ITFG1: variants seen among roughly 807,000 people sequenced by gnomAD.
The protein encoded by ITFG1 is T-cell immunomodulatory protein.
Under a neutral mutation model 81.8 loss-of-function variants are expected in ITFG1, and 34 were observed. The ratio of observed to expected loss-of-function variants is 0.42; its 90% confidence interval spans 0.32 to 0.55. ITFG1 has a LOEUF of 0.55. ITFG1 is among the 20% of genes least tolerant of loss of function. ITFG1 has a pLI of 0.17. For synonymous variants in ITFG1, 285 were observed against 270.6 expected, an observed-to-expected ratio of 1.05 and a Z score of -0.52; for missense variants, 672 against 755.4, an observed-to-expected ratio of 0.89 and a Z score of 1.29.
At chr16:47,183,740 C>T (rs1965166803) in intron 14 of ITFG1, among the ~76,000 whole-genome samples, 1 of 152,216 alleles carries the variant, frequency 6.6e-6, no homozygotes, top group South Asian at 2.1e-4. Context: ...CTCTCCTCCT[C>T]CAAAGGAACG....
chr16:47,454,447 T>C (rs1353229318), intron 2 of ITFG1, among the ~76,000 whole-genome samples: 1 of 152,210 alleles, frequency 6.6e-6, no homozygotes, highest in Non-Finnish European at 1.5e-5. Context: ...CCCTTCTATA[T>C]AGTTCCTTTG....
intron 10 of ITFG1, among the ~76,000 whole-genome samples, chr16:47,282,289 T>A (rs1035511987): frequency 2.0e-5 from 3 of 152,012 alleles, no homozygotes; most frequent in Admixed American, 1.3e-4. Flanking sequence ...TATTACTCCA[T>A]CCTCTATGTC....
chr16:47,401,782 C>T (rs560609651), intron 6 of ITFG1, among the ~76,000 whole-genome samples: 61 of 152,186 alleles, frequency 4.0e-4, no homozygotes, highest in Non-Finnish European at 2.2e-4. Context: ...CCTCTGGAGT[C>T]ATGACTTAAA....
chr16:47,446,609 G>A (rs1969327665), intron 5 of ITFG1, among the ~76,000 whole-genome samples: 1 of 152,078 alleles, frequency 6.6e-6, no homozygotes, highest in Non-Finnish European at 1.5e-5. Flanking sequence ...CTCCAGTCAG[G>A]ACTACTGTGA....
intron 5 of ITFG1, among the ~76,000 whole-genome samples, chr16:47,436,794 A>T (rs1287557799): frequency 2.0e-5 from 3 of 152,222 alleles, no homozygotes; most frequent in Non-Finnish European, 4.4e-5. Context: ...CAAAGTAAGC[A>T]GCTGGAAAGC....
intron 14 of ITFG1, among the ~76,000 whole-genome samples, chr16:47,163,776 T>G (rs916021579): frequency 2.0e-5 from 3 of 152,184 alleles, no homozygotes; most frequent in Non-Finnish European, 4.4e-5. Flanking sequence ...CAATAACACT[T>G]TTTGTTGTGT....
chr16:47,410,993 C>G (rs958786961), intron 6 of ITFG1, among the ~76,000 whole-genome samples: 1 of 152,202 alleles, frequency 6.6e-6, no homozygotes, highest in Admixed American at 6.5e-5. Flanking sequence ...GCAGCTCCCA[C>G]CAGAGCATGC....
At chr16:47,425,015 C>T (rs957423273) in intron 6 of ITFG1, among the ~76,000 whole-genome samples, 2 of 152,170 alleles carry the variant, frequency 1.3e-5, no homozygotes, top group Admixed American at 6.5e-5. Flanking sequence ...TGTCCGCCGC[C>T]TTTTGTTCTG....
chr16:47,445,111 T>TAAAAAAAAAAAAAAAAA (rs61015312), intron 5 of ITFG1, among the ~76,000 whole-genome samples: 1 of 131,918 alleles, frequency 7.6e-6, no homozygotes, highest in African/African-American at 2.7e-5. Context: ...AAATGTACAT[T>TAAAAAAAAAAAAAAAAA]AAAAAAAAAA....
chr16:47,188,284 A>T (rs533527248), intron 14 of ITFG1, among the ~76,000 whole-genome samples: 91 of 152,186 alleles, frequency 6.0e-4, no homozygotes, highest in Non-Finnish European at 9.1e-4. Flanking sequence ...AAGGACTATA[A>T]ATCATGCTAC....
intron 10 of ITFG1, among the ~76,000 whole-genome samples, chr16:47,288,316 T>A (rs560984123): frequency 6.6e-6 from 1 of 152,344 alleles, no homozygotes; most frequent in South Asian, 2.1e-4. Flanking sequence ...TGTGTTTATA[T>A]ACCACATTGC....
At chr16:47,158,718 T>C (rs1010957276) in intron 17 of ITFG1, among the ~76,000 whole-genome samples, 155 bp downstream of exon 17, 1 of 152,150 alleles carries the variant, frequency 6.6e-6, no homozygotes, top group African/African-American at 2.4e-5. Flanking sequence ...AAAGAAATTA[T>C]CATCAATAAA....
intron 14 of ITFG1, among the ~76,000 whole-genome samples, chr16:47,171,173 C>T (rs775139971): frequency 1.3e-5 from 2 of 151,774 alleles, no homozygotes; most frequent in Non-Finnish European, 2.9e-5. Context: ...TGCCACCACA[C>T]ATGGCTAATT....
chr16:47,169,492 C>G (rs1482848658), intron 14 of ITFG1, among the ~76,000 whole-genome samples: 2 of 149,474 alleles, frequency 1.3e-5, no homozygotes, highest in African/African-American at 2.5e-5. Context: ...TTAAAAATTT[C>G]TTTGCTGGTA....
rs546179205 is a variant in ITFG1, at chr16:47,337,299, C to T, written c.803-23476G>A. 1.6e-4 allele frequency among the ~76,000 whole-genome samples: 24 copies of T among 151,798 alleles called. No homozygotes were observed. In the Middle Eastern group the frequency reaches 0.01, roughly 65 times the overall value. The stretch of plus-strand genomic sequence containing the variant: ...TTTAAAAAAGAATCACAGCCAGGCG[C>T]GGTGGCTCATGCCTGTAATCCCAGC... On this transcript the variant is annotated intron_variant, in intron 8 of 17. Transcript: ENST00000320640.
intron 14 of ITFG1, among the ~76,000 whole-genome samples, chr16:47,176,915 T>C (rs775677916): frequency 3.1e-4 from 47 of 152,150 alleles, no homozygotes; most frequent in Admixed American, 9.2e-4. Flanking sequence ...GCTAGTCTAA[T>C]TGCATTGCTA....
At chr16:47,337,546 G>T (rs1168726012) in intron 8 of ITFG1, among the ~76,000 whole-genome samples, 2 of 152,044 alleles carry the variant, frequency 1.3e-5, no homozygotes, top group Non-Finnish European at 2.9e-5. Context: ...CTCCAGCCTG[G>T]GTGACAGAGT....
chr16:47,412,401 A>C (rs1419937752), intron 6 of ITFG1, among the ~76,000 whole-genome samples: 1 of 152,222 alleles, frequency 6.6e-6, no homozygotes, highest in Non-Finnish European at 1.5e-5. Flanking sequence ...CATTTTAAGA[A>C]AAAAACAAAC....
intron 10 of ITFG1, among the ~76,000 whole-genome samples, chr16:47,286,112 A>G (rs568564587): frequency 6.6e-6 from 1 of 152,276 alleles, no homozygotes; most frequent in African/African-American, 2.4e-5. Context: ...AGATGGAAAC[A>G]GGACAGCAGT....
Sources: gnomAD v4.1 joint callset for allele counts (sites outside exome capture counted in the v4.1 genomes callset) on GRCh38, gnomAD v4.1.1 for gene constraint, MANE v1.5 for transcripts, NCBI Gene and HGNC (gene_info 2026-07-23, HGNC 2026-07-21) for gene names.